FNDC3B: variants seen among roughly 807,000 people sequenced by gnomAD.
The protein encoded by FNDC3B is fibronectin type III domain-containing protein 3B.
FNDC3B carries 12 observed loss-of-function variants against 151.5 expected under a neutral mutation model. That is an observed-to-expected ratio of 0.08 (90% CI 0.05 to 0.13). The LOEUF is 0.13. Ranked by LOEUF, FNDC3B falls within the 10% of genes least tolerant of loss-of-function variation. The probability of loss-of-function intolerance (pLI) is 1.00; values close to 1 mark genes in which losing one functional copy is unlikely to be tolerated. For missense variants in FNDC3B, 1,214 were observed against 1,505.3 expected (o/e 0.81, Z 3.20); for synonymous variants, 528 against 549.0 (o/e 0.96, Z 0.54).
At position 172,290,252 on chromosome 3, in the gene FNDC3B, T is replaced by C. The variant is rs566223251; in HGVS notation, c.849+4268T>C. The stretch of plus-strand genomic sequence containing the variant: ...CATCTTTCTAGGACTTTGGGCACCC[T>C]GAATTGAGCAAGTCTTTTACTCTTC... On this transcript the variant is annotated intron_variant, in intron 7 of 25. Transcript: ENST00000415807. Among the ~76,000 whole-genome samples the C allele has an allele frequency of 1.8e-4, 28 of 152,352 alleles. No homozygotes were observed. The South Asian group carries it at 5.8e-3, about 32-fold the overall frequency.
intron 3 of FNDC3B, among the ~76,000 whole-genome samples, chr3:172,160,935 A>G (rs1722735336): frequency 6.6e-6 from 1 of 152,234 alleles, no homozygotes; most frequent in African/African-American, 2.4e-5. Flanking sequence ...CATAGTATAT[A>G]TCAAGATACA....
At chr3:172,063,652 C>A (rs1370700794) in intron 1 of FNDC3B, among the ~76,000 whole-genome samples, 1 of 152,112 alleles carries the variant, frequency 6.6e-6, no homozygotes, top group Non-Finnish European at 1.5e-5. Context: ...CATTCAGATG[C>A]CATTATTTTA....
At chr3:172,134,420 T>A (rs756034989) in intron 3 of FNDC3B, 5 of 517,598 alleles carry the variant, frequency 9.7e-6, no homozygotes, top group Admixed American at 1.9e-5. Context: ...ATGGGGCAAA[T>A]GGTAAATGGC....
chr3:172,231,218 T>G (rs1002949989), intron 4 of FNDC3B, among the ~76,000 whole-genome samples: 12 of 152,230 alleles, frequency 7.9e-5, no homozygotes, highest in African/African-American at 2.9e-4. Flanking sequence ...AGCCACATAT[T>G]GTATCATTCC....
chr3:172,332,190 G>A (rs971920653), intron 13 of FNDC3B, among the ~76,000 whole-genome samples: 2 of 151,732 alleles, frequency 1.3e-5, no homozygotes, highest in Non-Finnish European at 2.9e-5. Context: ...GGCTGGTCTC[G>A]AACTCCCAAC....
At chr3:172,074,649 C>T (rs887031260) in intron 1 of FNDC3B, among the ~76,000 whole-genome samples, 3 of 152,078 alleles carry the variant, frequency 2.0e-5, no homozygotes, top group African/African-American at 4.8e-5. Flanking sequence ...ATGGGTTATA[C>T]TTTAAGGGCT....
intron 3 of FNDC3B, among the ~76,000 whole-genome samples, chr3:172,190,812 G>C (rs1328057716): frequency 6.6e-6 from 1 of 152,160 alleles, no homozygotes; most frequent in African/African-American, 2.4e-5. Context: ...GGGATTACAG[G>C]CATGTACCAC....
At chr3:172,227,009 AT>A (rs1726622625) in intron 4 of FNDC3B, 62 bp downstream of exon 4, 1 of 1,113,236 alleles carries the variant, frequency 9.0e-7, no homozygotes, top group Non-Finnish European at 1.4e-6. Flanking sequence ...AACAGAATAT[AT>A]GTTGAGGCTT....
intron 8 of FNDC3B, among the ~76,000 whole-genome samples, chr3:172,296,777 C>T (rs188271732): frequency 3.6e-4 from 55 of 152,312 alleles, no homozygotes; most frequent in African/African-American, 1.3e-3. Flanking sequence ...TGCACGGACC[C>T]ACTTATGCAC....
chr3:172,309,818 A>C (rs1325813614), intron 10 of FNDC3B, among the ~76,000 whole-genome samples: 1 of 152,170 alleles, frequency 6.6e-6, no homozygotes, highest in Non-Finnish European at 1.5e-5. Context: ...TATCATACCT[A>C]TCTATTCTTG....
chr3:172,117,079 A>G (rs1459690665), intron 2 of FNDC3B, among the ~76,000 whole-genome samples: 3 of 152,178 alleles, frequency 2.0e-5, no homozygotes, highest in Admixed American at 6.5e-5. Context: ...TTTCTCTTGT[A>G]TATATAACCG....
intron 11 of FNDC3B, among the ~76,000 whole-genome samples, chr3:172,318,805 G>A (rs1481991941): frequency 6.6e-6 from 1 of 152,148 alleles, no homozygotes; most frequent in Non-Finnish European, 1.5e-5. Flanking sequence ...GTTCATTTTG[G>A]CTCTGTCCAT....
chr3:172,236,063 C>G (rs954764178), intron 4 of FNDC3B, among the ~76,000 whole-genome samples: 2 of 152,226 alleles, frequency 1.3e-5, no homozygotes, highest in Admixed American at 6.5e-5. Context: ...TGTTTGTCAC[C>G]TAACAGAAAG....
At chr3:172,286,014 G>T (rs776766560) in intron 7 of FNDC3B, 30 bp downstream of exon 7, 21 of 1,542,512 alleles carry the variant, frequency 1.4e-5, no homozygotes, top group South Asian at 4.7e-5. Flanking sequence ...CAGCATAAAT[G>T]ACACTTTTTA....
chr3:172,257,248 CA>C (rs983795667), intron 6 of FNDC3B, among the ~76,000 whole-genome samples: 67 of 152,280 alleles, frequency 4.4e-4, no homozygotes, highest in African/African-American at 1.5e-3. Flanking sequence ...TTGCTGTGTG[CA>C]GTTGACATTG....
intron 1 of FNDC3B, among the ~76,000 whole-genome samples, chr3:172,082,966 A>G (rs1170707328): frequency 5.3e-5 from 8 of 152,182 alleles, no homozygotes; most frequent in Admixed American, 5.2e-4. Context: ...TCATGTCTGT[A>G]TATATGTTTG....
intron 2 of FNDC3B, among the ~76,000 whole-genome samples, chr3:172,126,168 A>G (rs901536463): frequency 2.0e-5 from 3 of 152,106 alleles, no homozygotes; most frequent in Non-Finnish European, 4.4e-5. Context: ...AACTTGGCTC[A>G]TTATACTGCA....
intron 4 of FNDC3B, among the ~76,000 whole-genome samples, chr3:172,229,014 T>C (rs185417793): frequency 4.5e-4 from 69 of 151,890 alleles, no homozygotes; most frequent in African/African-American, 1.6e-3. Context: ...ATAAAATGTC[T>C]TAGTTGTCTT....
intron 1 of FNDC3B, among the ~76,000 whole-genome samples, chr3:172,105,848 A>G (rs1055652921): frequency 2.1e-5 from 3 of 146,212 alleles, no homozygotes; most frequent in Admixed American, 7.0e-5. Flanking sequence ...AGAGAAGGAA[A>G]TTTTCATGAA....
Sources: allele counts gnomAD v4.1 joint callset (sites outside exome capture counted in the v4.1 genomes callset), GRCh38; gene constraint gnomAD v4.1.1; transcripts MANE v1.5; gene names NCBI Gene and HGNC (gene_info 2026-07-23, HGNC 2026-07-21).